The following SDK1 variants were observed in gnomAD, a reference collection of about 807,000 sequenced individuals.
SDK1 encodes protein sidekick-1.
SDK1 carries 157 observed loss-of-function variants against 245.5 expected under a neutral mutation model. That is an observed-to-expected ratio of 0.64 (90% CI 0.56 to 0.73). The LOEUF is 0.73. Among genes scored for constraint, SDK1 ranks in the 30% least tolerant of loss-of-function variants. SDK1 has a pLI of 0.00. For missense variants in SDK1, 3,583 were observed against 3,002.3 expected, an observed-to-expected ratio of 1.19 and a Z score of -4.52; for synonymous variants, 1,647 against 1,278.5, an observed-to-expected ratio of 1.29 and a Z score of -6.15.
chr7:4,209,877 A>C (rs1306802100), intron 37 of SDK1, 148 bp from the exon 38 acceptor site: 13 of 752,048 alleles, frequency 1.7e-5, no homozygotes, highest in Non-Finnish European at 2.6e-5. Flanking sequence ...GTGATCAATA[A>C]ATCTTTTCAT....
chr7:4,167,205 C>T (rs1781551526), intron 32 of SDK1, among the ~76,000 whole-genome samples: 1 of 152,130 alleles, frequency 6.6e-6, no homozygotes, highest in African/African-American at 2.4e-5. Flanking sequence ...TCGTGGCCAA[C>T]ATGGTGAAAC....
At chr7:3,312,858 A>T (rs1054933766) in intron 1 of SDK1, among the ~76,000 whole-genome samples, 1 of 152,184 alleles carries the variant, frequency 6.6e-6, no homozygotes, top group Non-Finnish European at 1.5e-5. Flanking sequence ...AATCAATACA[A>T]GTTCTGCCTG....
intron 1 of SDK1, among the ~76,000 whole-genome samples, chr7:3,537,682 G>GAT (rs1562548189): frequency 6.6e-6 from 1 of 152,216 alleles, no homozygotes; most frequent in Non-Finnish European, 1.5e-5. Flanking sequence ...CTGCGCCCTG[G>GAT]ATGTGGGATG....
chr7:3,686,947 C>T (rs921654553), intron 4 of SDK1, among the ~76,000 whole-genome samples: 4 of 151,906 alleles, frequency 2.6e-5, no homozygotes, highest in Non-Finnish European at 5.9e-5. Context: ...TGTGAGTGCC[C>T]AGTAAGGGAA....
intron 13 of SDK1, among the ~76,000 whole-genome samples, chr7:3,985,618 G>A (rs1040503046): frequency 6.6e-6 from 1 of 152,108 alleles, no homozygotes; most frequent in African/African-American, 2.4e-5. Context: ...GTGAGGCCCT[G>A]TCTATACAAA....
In SDK1 at chr7:4,088,407, A is replaced by G. The variant is rs576281009; in HGVS notation, c.3324+8823A>G. Among the ~76,000 whole-genome samples, 4 of 152,304 alleles carry G rather than the reference A, an allele frequency of 2.6e-5. No individual in the cohort carries two copies. In the East Asian group the frequency reaches 5.8e-4, roughly 22 times the overall value. On this transcript the variant is annotated intron_variant, in intron 22 of 44. Coordinates refer to ENST00000404826, the MANE Select transcript of SDK1 (RefSeq NM_152744.4). Reference sequence around the variant, plus strand: ...CGAATTGGGACAATGATAGAAGACAATCTTTGTTTTGTCACTCTAAAGAAA... The same window carrying G: ...CGAATTGGGACAATGATAGAAGACAGTCTTTGTTTTGTCACTCTAAAGAAA...
chr7:4,137,026 C>G (rs919455943), intron 28 of SDK1, among the ~76,000 whole-genome samples: 6 of 152,186 alleles, frequency 3.9e-5, no homozygotes, highest in African/African-American at 1.4e-4. Context: ...AGCACGTGCC[C>G]CAGATGGTCG....
rs192254914 is a variant in SDK1 at position 4,267,269 on chromosome 7, C to T, written c.*1885C>T. The T allele has an allele frequency of 1.4e-3, 880 of 641,348 alleles. 3 individuals carry two copies. Among genetic ancestry groups the T allele is most frequent in the Non-Finnish European group, 1.6e-3 (833 of 517,252 alleles). 39.7% of individuals were successfully genotyped at this position (641,348 alleles called of 1,614,324 possible). A position where few individuals can be genotyped will look rare whatever the true frequency, so the allele number is the denominator to read the frequency against. ...TCCTCCCTCCCTCCCTCCTTCCCTC[C>T]CTTCCTTCCTCTCTTTCCTCCTTCC... On this transcript the variant is annotated 3_prime_UTR_variant, in exon 45 of 45. Transcript: ENST00000404826.
chr7:4,229,073 T>C (rs190065702), intron 40 of SDK1, among the ~76,000 whole-genome samples: 1 of 152,348 alleles, frequency 6.6e-6, no homozygotes. Context: ...TGCATAAATC[T>C]CATTTTTGCT....
At chr7:3,960,402 G>A (rs533809232) in intron 8 of SDK1, among the ~76,000 whole-genome samples, 18 of 152,342 alleles carry the variant, frequency 1.2e-4, no homozygotes, top group African/African-American at 4.3e-4. Flanking sequence ...CTTCCCCCAG[G>A]ACCTGAAGCC....
Position 3,395,139 on chromosome 7 carries a change from CAT to C in SDK1, c.298+93256_298+93257del, listed in dbSNP as rs1279418943. Among the ~76,000 whole-genome samples, 4 of 151,962 alleles carry C rather than the reference CAT, an allele frequency of 2.6e-5. 1 individual carries two copies. The highest frequency in any genetic ancestry group is 4.4e-5 in the Non-Finnish European group (3 of 67,908). On this transcript the variant is annotated intron_variant, in intron 1 of 44. Coordinates refer to ENST00000404826, the MANE Select transcript of SDK1 (RefSeq NM_152744.4). ...TTATATTCACTGTAGGTTTTTTGCA[CAT>C]GTTACCAGGTTCTATTCTAAGGTTG... is the stretch of plus-strand genomic sequence containing the variant.
intron 22 of SDK1, among the ~76,000 whole-genome samples, chr7:4,107,862 G>T (rs1783047418): frequency 6.6e-6 from 1 of 152,188 alleles, no homozygotes; most frequent in Admixed American, 6.5e-5. Context: ...AGGCCTGTAA[G>T]GTGTCGTGAG....
At chr7:3,318,366 G>A (rs1779714541) in intron 1 of SDK1, among the ~76,000 whole-genome samples, 1 of 152,170 alleles carries the variant, frequency 6.6e-6, no homozygotes, top group African/African-American at 2.4e-5. Context: ...ACTTGTCTGT[G>A]TTTCAGGTGC....
chr7:3,376,895 G>T (rs1013365079), intron 1 of SDK1, among the ~76,000 whole-genome samples: 3 of 150,242 alleles, frequency 2.0e-5, no homozygotes, highest in Non-Finnish European at 4.4e-5. Context: ...TCTCTTTCCA[G>T]TTCCTCTTGG....
intron 1 of SDK1, among the ~76,000 whole-genome samples, chr7:3,501,679 T>A (rs1166611080): frequency 2.6e-5 from 4 of 152,232 alleles, no homozygotes. Context: ...TAAATTGATT[T>A]GTTCATTAAT....
chr7:3,609,130 T>G (rs1781511461), intron 1 of SDK1, among the ~76,000 whole-genome samples: 1 of 151,694 alleles, frequency 6.6e-6, no homozygotes. Flanking sequence ...TGTAATGACT[T>G]TGATTTTTTA....
chr7:3,975,154 C>T (rs1340124043), intron 13 of SDK1, among the ~76,000 whole-genome samples: 3 of 152,246 alleles, frequency 2.0e-5, no homozygotes, highest in Admixed American at 2.0e-4. Context: ...TCCCTCCACT[C>T]CCCTCTCTAT....
intron 4 of SDK1, among the ~76,000 whole-genome samples, chr7:3,746,838 A>G (rs1348846223): frequency 1.3e-5 from 2 of 152,004 alleles, no homozygotes; most frequent in African/African-American, 4.8e-5. Flanking sequence ...GCTTCTCCCA[A>G]ACTCCTGTTA....
intron 1 of SDK1, among the ~76,000 whole-genome samples, chr7:3,403,868 TAA>T (rs1491271292): frequency 4.7e-4 from 51 of 108,906 alleles, no homozygotes; most frequent in Non-Finnish European, 7.2e-4. Flanking sequence ...TATATATATA[TAA>T]TATATATATT....
Sources: allele counts gnomAD v4.1 joint callset (sites outside exome capture counted in the v4.1 genomes callset), GRCh38; gene constraint gnomAD v4.1.1; transcripts MANE v1.5; gene names NCBI Gene and HGNC (gene_info 2026-07-23, HGNC 2026-07-21).